KCNJ6: variants seen among roughly 807,000 people sequenced by gnomAD.
KCNJ6 encodes potassium inwardly rectifying channel subfamily J member 6.
In KCNJ6, 9 loss-of-function variants were observed where a neutral mutation model predicts 34.2. That is an observed-to-expected ratio of 0.26 (90% CI 0.16 to 0.46). The LOEUF is 0.46. Among genes scored for constraint, KCNJ6 ranks in the 20% least tolerant of loss-of-function variants. The pLI, the probability that KCNJ6 is intolerant of heterozygous loss-of-function variation, is 1.00. For synonymous variants in KCNJ6, 196 were observed against 207.1 expected (o/e 0.95, Z 0.46); for missense variants, 236 against 531.3 (o/e 0.44, Z 5.46).
intron 1 of KCNJ6, among the ~76,000 whole-genome samples, chr21:37,851,334 T>C (rs770961862): frequency 1.3e-5 from 2 of 152,214 alleles, no homozygotes; most frequent in Non-Finnish European, 2.9e-5. Flanking sequence ...AAGTGTAGGG[T>C]GCAGAAAGAT....
At chr21:37,894,533 T>C (rs2055778493) in intron 1 of KCNJ6, among the ~76,000 whole-genome samples, 1 of 151,986 alleles carries the variant, frequency 6.6e-6, no homozygotes, top group African/African-American at 2.4e-5. Context: ...GGTATGGTGG[T>C]GGGTGCCTGT....
At chr21:37,889,160 G>T (rs2055749790) in intron 1 of KCNJ6, among the ~76,000 whole-genome samples, 1 of 152,158 alleles carries the variant, frequency 6.6e-6, no homozygotes, top group African/African-American at 2.4e-5. Flanking sequence ...CCTTAAACTG[G>T]CAAGTTGTTC....
At chr21:37,838,028 G>C (rs1006816908) in intron 2 of KCNJ6, among the ~76,000 whole-genome samples, 1 of 152,202 alleles carries the variant, frequency 6.6e-6, no homozygotes, top group African/African-American at 2.4e-5. Context: ...CATTGGGTAC[G>C]ACTCTAAGGT....
intron 3 of KCNJ6, among the ~76,000 whole-genome samples, chr21:37,650,525 C>T (rs901887138): frequency 4.6e-5 from 7 of 152,188 alleles, no homozygotes; most frequent in Non-Finnish European, 7.3e-5. Flanking sequence ...CACTGTCCTG[C>T]GTGTCATTCC....
intron 3 of KCNJ6, among the ~76,000 whole-genome samples, chr21:37,638,214 T>C (rs2054366430): frequency 2.0e-5 from 3 of 152,220 alleles, no homozygotes; most frequent in Non-Finnish European, 2.9e-5. Context: ...TGACGTGATC[T>C]CAGCTCACTG....
chr21:37,751,567 C>T lies in KCNJ6; in HGVS notation c.26-36436G>A, dbSNP rs538682159. ...CTGAGGCATGAGAAGTATGAGCAGA[C>T]TGCGAGGCTGTAAGAAACTCAGTTG... On this transcript the variant is annotated intron_variant, in intron 2 of 3. Transcript: ENST00000609713. 2.0e-5 allele frequency among the ~76,000 whole-genome samples: 3 copies of T among 152,388 alleles called. No homozygotes were observed. The East Asian group carries it at 5.8e-4, about 29-fold the overall frequency.
rs34884125 is a variant in KCNJ6 at position 37,686,460 on chromosome 21, C to CTT, written c.946+27749_946+27750dup. On this transcript the variant is annotated intron_variant, in intron 3 of 3. Transcript: ENST00000609713. ...ACGCATTCACTCTCCCGGGTGAAGT[C>CTT]TTTTTTTTTTTTTTTTTTTTTTTTG... 3.4e-3 allele frequency among the ~76,000 whole-genome samples: 121 copies of CTT among 35,706 alleles called. 3 individuals carry two copies. Among genetic ancestry groups the CTT allele is most frequent in the East Asian group, 9.8e-3 (9 of 918 alleles). The allele number at this position is 35,706 out of a possible 152,430, so 23.4% of individuals were successfully genotyped here.
intron 3 of KCNJ6, among the ~76,000 whole-genome samples, chr21:37,701,075 C>T (rs2054688451): frequency 6.6e-6 from 1 of 152,132 alleles, no homozygotes; most frequent in South Asian, 2.1e-4. Flanking sequence ...GAGAGCCACC[C>T]CAATGGAGAT....
intron 2 of KCNJ6, among the ~76,000 whole-genome samples, chr21:37,759,586 C>T (rs1364700834): frequency 6.6e-6 from 1 of 152,150 alleles, no homozygotes; most frequent in East Asian, 1.9e-4. Flanking sequence ...TCCCATTGTC[C>T]CCTGGGTCTT....
At chr21:37,821,907 T>A (rs1324833649) in intron 2 of KCNJ6, among the ~76,000 whole-genome samples, 2 of 152,194 alleles carry the variant, frequency 1.3e-5, no homozygotes, top group African/African-American at 4.8e-5. Context: ...TATTGTCTAA[T>A]GGTTGTATTA....
intron 1 of KCNJ6, among the ~76,000 whole-genome samples, chr21:37,888,490 C>A (rs895766613): frequency 6.6e-6 from 1 of 152,050 alleles, no homozygotes; most frequent in Non-Finnish European, 1.5e-5. Context: ...AGGCACTAGA[C>A]CTTGGAAAAC....
At chr21:37,818,193 C>T (rs962067151) in intron 2 of KCNJ6, among the ~76,000 whole-genome samples, 4 of 97,274 alleles carry the variant, frequency 4.1e-5, no homozygotes, top group Non-Finnish European at 8.0e-5. Flanking sequence ...CTTAAAAGTG[C>T]GTGTGTGTGT....
chr21:37,694,907 G>C (rs1466148572), intron 3 of KCNJ6, among the ~76,000 whole-genome samples: 1 of 152,148 alleles, frequency 6.6e-6, no homozygotes, highest in Non-Finnish European at 1.5e-5. Context: ...AGATAGAGTG[G>C]GAAGGCCTTC....
chr21:37,664,302 A>G (rs1004936227), intron 3 of KCNJ6, among the ~76,000 whole-genome samples: 2 of 152,150 alleles, frequency 1.3e-5, no homozygotes, highest in African/African-American at 4.8e-5. Flanking sequence ...GAGAAAAAGT[A>G]ACAGAATTCA....
At chr21:37,652,729 T>C (rs895657693) in intron 3 of KCNJ6, among the ~76,000 whole-genome samples, 3 of 152,176 alleles carry the variant, frequency 2.0e-5, no homozygotes, top group African/African-American at 2.4e-5. Flanking sequence ...AGTTGTCAGA[T>C]AGGCAAGAGA....
rs1473878315 is a variant in KCNJ6 at position 37,615,520 on chromosome 21, C to CT, written c.*9638dup. On this transcript the variant is annotated 3_prime_UTR_variant, in exon 4 of 4. Coordinates refer to ENST00000609713, the MANE Select transcript of KCNJ6 (RefSeq NM_002240.5). ...CCATGGGGCCAGACTAAATTGAGCT[C>CT]TGAAAGTTTCAGTGGTAAATTCCAC... 2 of 152,122 alleles carry CT rather than the reference C, an allele frequency of 1.3e-5. No homozygotes were observed. The highest frequency in any genetic ancestry group is 4.8e-5 in the African/African-American group (2 of 41,406). 9.4% of individuals were successfully genotyped at this position (152,122 alleles called of 1,614,324 possible).
intron 2 of KCNJ6, among the ~76,000 whole-genome samples, chr21:37,796,082 G>C (rs931849411): frequency 1.3e-5 from 2 of 152,198 alleles, no homozygotes; most frequent in East Asian, 1.9e-4. Context: ...TGTTGGGAGA[G>C]AGCAGCGCTG....
intron 3 of KCNJ6, among the ~76,000 whole-genome samples, chr21:37,641,025 G>T (rs1395210127): frequency 1.3e-5 from 2 of 152,172 alleles, no homozygotes; most frequent in Non-Finnish European, 2.9e-5. Flanking sequence ...GAAAAAGTAG[G>T]GAATAGGAAG....
chr21:37,749,466 A>AT (rs1161705933), intron 2 of KCNJ6, among the ~76,000 whole-genome samples: 1 of 152,088 alleles, frequency 6.6e-6, no homozygotes, highest in Admixed American at 6.6e-5. Flanking sequence ...CCTGGACTGG[A>AT]TTTGTCACTA....
Sources: gnomAD v4.1 joint callset for allele counts (sites outside exome capture counted in the v4.1 genomes callset) on GRCh38, gnomAD v4.1.1 for gene constraint, MANE v1.5 for transcripts, NCBI Gene and HGNC (gene_info 2026-07-23, HGNC 2026-07-21) for gene names.